The following ERC2 variants were observed in gnomAD, a reference collection of about 807,000 sequenced individuals.
ERC2 encodes the protein ERC protein 2.
A neutral mutation model predicts 114.8 loss-of-function variants in ERC2; 42 were observed. That is an observed-to-expected ratio of 0.37 (90% CI 0.29 to 0.47). The LOEUF (loss-of-function observed/expected upper bound fraction) is 0.47, where lower values mean the gene tolerates loss of function less well. ERC2 is among the 20% of genes least tolerant of loss of function. ERC2 has a pLI of 0.99. For missense variants in ERC2, 939 were observed against 1,150.7 expected, an observed-to-expected ratio of 0.82 and a Z score of 2.66; for synonymous variants, 454 against 425.5, an observed-to-expected ratio of 1.07 and a Z score of -0.82.
chr3:56,104,482 G>C (rs2078537890), intron 6 of ERC2, among the ~76,000 whole-genome samples: 1 of 152,182 alleles, frequency 6.6e-6, no homozygotes, highest in African/African-American at 2.4e-5. Context: ...AGACTTTGTT[G>C]AGGTGGCATG....
chr3:56,306,495 CAG>C (rs1370179764), intron 2 of ERC2, among the ~76,000 whole-genome samples: 3 of 152,228 alleles, frequency 2.0e-5, no homozygotes, highest in African/African-American at 4.8e-5. Context: ...GAAGTAAAAA[CAG>C]AGAATATATA....
intron 14 of ERC2, among the ~76,000 whole-genome samples, chr3:55,771,806 G>C (rs1289734549): frequency 6.6e-6 from 1 of 152,216 alleles, no homozygotes; most frequent in Non-Finnish European, 1.5e-5. Flanking sequence ...TGAGGAGGCA[G>C]GCTCTCCACC....
intron 2 of ERC2, among the ~76,000 whole-genome samples, chr3:56,399,898 T>C (rs1055283029): frequency 1.3e-5 from 2 of 152,138 alleles, no homozygotes; most frequent in Non-Finnish European, 2.9e-5. Flanking sequence ...GGAGGGAAAC[T>C]ATAGGACAAA....
chr3:55,987,797 A>G (rs1372484276), intron 11 of ERC2, among the ~76,000 whole-genome samples: 1 of 152,166 alleles, frequency 6.6e-6, no homozygotes, highest in African/African-American at 2.4e-5. Flanking sequence ...ATGTCTGGTG[A>G]TATTATTTCT....
chr3:55,989,065 A>G (rs2149519822), intron 11 of ERC2, among the ~76,000 whole-genome samples: 1 of 152,306 alleles, frequency 6.6e-6, no homozygotes, highest in South Asian at 2.1e-4. Flanking sequence ...AAGCTCAGAC[A>G]TTTCCCAGAC....
chr3:55,990,417 CA>C, intron 11 of ERC2, among the ~76,000 whole-genome samples: 1 of 152,154 alleles, frequency 6.6e-6, no homozygotes, highest in South Asian at 2.1e-4. Context: ...TTGTTTAATA[CA>C]GAGACAAAGT....
chr3:55,848,021 C>T (rs1022513738), intron 14 of ERC2, among the ~76,000 whole-genome samples: 1 of 152,096 alleles, frequency 6.6e-6, no homozygotes, highest in African/African-American at 2.4e-5. Context: ...GGTCTCCAAC[C>T]TCTGGGCTCA....
intron 6 of ERC2, among the ~76,000 whole-genome samples, chr3:56,138,151 C>G (rs1002807990): frequency 4.6e-5 from 7 of 150,636 alleles, no homozygotes; most frequent in African/African-American, 1.7e-4. Flanking sequence ...GCTCTGCCTC[C>G]TGGGTTCATG....
At position 55,894,442 on chromosome 3, in the gene ERC2, T is replaced by A. The variant is rs78041610; in HGVS notation, c.2404-5893A>T. 4.5e-3 allele frequency among the ~76,000 whole-genome samples: 688 copies of A among 152,298 alleles called. 6 individuals are homozygous for A. The East Asian group carries it at 0.048, about 11-fold the overall frequency. ...AATATAATAATAGAATTGACTTTTT[T>A]AAAAAATGTTAGCTTTAGGGGCTAC... On this transcript the variant is annotated intron_variant, in intron 13 of 17. Transcript: ENST00000288221.
At chr3:56,258,382 G>T (rs2052664508) in intron 3 of ERC2, among the ~76,000 whole-genome samples, 1 of 152,234 alleles carries the variant, frequency 6.6e-6, no homozygotes, top group Non-Finnish European at 1.5e-5. Flanking sequence ...TACTGGCCGG[G>T]CGCGGTGGCT....
intron 13 of ERC2, among the ~76,000 whole-genome samples, chr3:55,930,060 G>A (rs1044431353): frequency 1.3e-5 from 2 of 152,136 alleles, no homozygotes; most frequent in African/African-American, 4.8e-5. Flanking sequence ...CCAACATGGT[G>A]AAACCCAATC....
intron 8 of ERC2, among the ~76,000 whole-genome samples, chr3:56,012,092 A>G (rs1445086427): frequency 1.3e-5 from 2 of 152,166 alleles, no homozygotes; most frequent in African/African-American, 4.8e-5. Flanking sequence ...TTGATCCCAG[A>G]CCTAGTTTAC....
At chr3:55,950,617 C>T in intron 12 of ERC2, 57 bp from the exon 13 acceptor site, 1 of 1,595,386 alleles carries the variant, frequency 6.3e-7, no homozygotes, top group Non-Finnish European at 8.6e-7. Flanking sequence ...CATATGTTAT[C>T]ACAAATAGAT....
intron 9 of ERC2, among the ~76,000 whole-genome samples, chr3:56,008,907 T>C (rs775111471): frequency 6.6e-6 from 1 of 152,182 alleles, no homozygotes; most frequent in Non-Finnish European, 1.5e-5. Flanking sequence ...TGAAAATGCC[T>C]AGCCTCTGTA....
At chr3:55,530,466 C>T (rs200170744) in intron 17 of ERC2, among the ~76,000 whole-genome samples, 1 of 151,766 alleles carries the variant, frequency 6.6e-6, no homozygotes, top group East Asian at 1.9e-4. Context: ...TCTGACCTGA[C>T]ATGTTCTCTC....
intron 7 of ERC2, among the ~76,000 whole-genome samples, chr3:56,023,075 C>T (rs186322239): frequency 2.4e-3 from 362 of 152,252 alleles, no homozygotes; most frequent in African/African-American, 8.0e-3. Flanking sequence ...CTTGCAAAGC[C>T]TGAGATGGGC....
chr3:55,796,635 A>C (rs1441334712), intron 14 of ERC2, among the ~76,000 whole-genome samples: 2 of 152,202 alleles, frequency 1.3e-5, no homozygotes, highest in African/African-American at 2.4e-5. Context: ...CATGTTGGCC[A>C]GGCTGGTCTT....
intron 14 of ERC2, 140 bp downstream of exon 14, chr3:55,888,249 A>G: frequency 1.0e-6 from 1 of 1,003,090 alleles, no homozygotes; most frequent in South Asian, 1.8e-5. Context: ...TAAGAAACAT[A>G]CTTTCAGAAA....
At chr3:55,859,401 G>A (rs1251997329) in intron 14 of ERC2, among the ~76,000 whole-genome samples, 1 of 151,902 alleles carries the variant, frequency 6.6e-6, no homozygotes, top group African/African-American at 2.4e-5. Context: ...GTGTGGCCAA[G>A]TCAGTGGAGG....
Sources: gnomAD v4.1 joint callset for allele counts (sites outside exome capture counted in the v4.1 genomes callset) on GRCh38, gnomAD v4.1.1 for gene constraint, MANE v1.5 for transcripts, NCBI Gene and HGNC (gene_info 2026-07-23, HGNC 2026-07-21) for gene names.